CELF2: variants seen among roughly 807,000 people sequenced by gnomAD.
CELF2 encodes the protein CUG triplet repeat RNA-binding protein 2.
Under a neutral mutation model 62.6 loss-of-function variants are expected in CELF2, and 8 were observed. The ratio of observed to expected loss-of-function variants is 0.13; its 90% confidence interval spans 0.07 to 0.23. CELF2 has a LOEUF of 0.23. Ranked by LOEUF, CELF2 falls within the 10% of genes least tolerant of loss-of-function variation. CELF2 has a pLI of 1.00. For synonymous variants in CELF2, 258 were observed against 250.0 expected (o/e 1.03, Z -0.30); for missense variants, 333 against 671.0 (o/e 0.50, Z 5.56).
At chr10:11,030,106 C>T (rs535003996) in intron 1 of CELF2, among the ~76,000 whole-genome samples, 22 of 152,292 alleles carry the variant, frequency 1.4e-4, no homozygotes, top group African/African-American at 1.2e-4. Flanking sequence ...GCCAATCATA[C>T]GCTGCTTTTT....
the CELF2 span, among the ~76,000 whole-genome samples, chr10:10,603,758 GA>G: frequency 6.6e-6 from 1 of 150,912 alleles, no homozygotes; most frequent in East Asian, 2.0e-4. Context: ...ACAGAGCAGG[GA>G]AGCAAAGTCT....
In CELF2 at chr10:11,191,834, G is replaced by A. The variant is rs1475365275; in HGVS notation, c.272-25591G>A. ...GATCCCCAGTGAAGGAGGAGGGAGG[G>A]GCCGTGTGCATGCTCATGCTGTTTA... On this transcript the variant is annotated intron_variant, in intron 2 of 12. Transcript: ENST00000633077. This position sits in a 1 kb window ranked among gnomAD's most constrained non-coding sequence, Gnocchi z 4.1. 1.3e-5 allele frequency among the ~76,000 whole-genome samples: 2 copies of A among 152,080 alleles called. No individual in the cohort carries two copies. The highest frequency in any genetic ancestry group is 4.1e-4 in the South Asian group (2 of 4,826).
intron 1 of CELF2, among the ~76,000 whole-genome samples, chr10:11,007,673 A>G (rs960618415): frequency 2.0e-5 from 3 of 152,178 alleles, no homozygotes; most frequent in East Asian, 1.9e-4. Context: ...GAAGCTTTAT[A>G]TCTGAGGCCG....
intron 11 of CELF2, 93 bp from the exon 12 acceptor site, chr10:11,325,738 AATGCT>A: frequency 9.2e-7 from 1 of 1,081,282 alleles, no homozygotes; most frequent in Non-Finnish European, 1.3e-6. Context: ...TGTTCAACTA[AATGCT>A]TAGCCTACCT....
chr10:10,466,274 T>A, the CELF2 span, among the ~76,000 whole-genome samples: 1 of 152,164 alleles, frequency 6.6e-6, no homozygotes, highest in Admixed American at 6.6e-5. Flanking sequence ...TATAGATTAA[T>A]TTACATTTTA....
At chr10:10,532,780 G>A in the CELF2 span, among the ~76,000 whole-genome samples, 1 of 151,728 alleles carries the variant, frequency 6.6e-6, no homozygotes, top group Non-Finnish European at 1.5e-5. Flanking sequence ...AGACCAGGGA[G>A]CCTTCTAAGC....
chr10:10,750,064 A>C, the CELF2 span, among the ~76,000 whole-genome samples: 1 of 152,350 alleles, frequency 6.6e-6, no homozygotes, highest in South Asian at 2.1e-4. Flanking sequence ...CGGGTGGATC[A>C]TGAGGTCAAG....
Position 10,993,538 on chromosome 10 carries a change from A to G in CELF2, c.89+73539A>G, listed in dbSNP as rs148446627. Reference sequence around the variant, plus strand: ...AGTCTAACAGCCTAAGCCACTGGGAACACACTTGTAGTCAAAGCTATATTT... The same window carrying G: ...AGTCTAACAGCCTAAGCCACTGGGAGCACACTTGTAGTCAAAGCTATATTT... On this transcript the variant is annotated intron_variant, in intron 2 of 13. Coordinates refer to the CELF2 transcript ENST00000636488. The surrounding 1 kb of genome is among the most constrained non-coding windows in gnomAD (Gnocchi z 5.3). 7.7e-4 allele frequency among the ~76,000 whole-genome samples: 118 copies of G among 152,308 alleles called. 2 individuals are homozygous for G. Among genetic ancestry groups the G allele is most frequent in the Non-Finnish European group, 1.5e-3 (99 of 68,022 alleles).
the CELF2 span, among the ~76,000 whole-genome samples, chr10:10,782,799 G>A: frequency 1.3e-5 from 2 of 152,164 alleles, no homozygotes; most frequent in Non-Finnish European, 2.9e-5. Context: ...TTAGTCTGCG[G>A]TTTCTCAGCC....
At chr10:10,874,260 G>A (rs953747291) in intron 1 of CELF2, among the ~76,000 whole-genome samples, 1 of 152,186 alleles carries the variant, frequency 6.6e-6, no homozygotes, top group Non-Finnish European at 1.5e-5. Flanking sequence ...CAAGGTTGCA[G>A]TGAGCCATGA....
At chr10:10,941,487 T>C (rs2047043951) in intron 2 of CELF2, among the ~76,000 whole-genome samples, 1 of 152,204 alleles carries the variant, frequency 6.6e-6, no homozygotes, top group Admixed American at 6.5e-5. Flanking sequence ...AAAGTAAATT[T>C]ACCCCAGGAA....
At chr10:10,837,470 G>A in intron 1 of CELF2, among the ~76,000 whole-genome samples, 1 of 152,152 alleles carries the variant, frequency 6.6e-6, no homozygotes, top group Middle Eastern at 3.2e-3. Context: ...TAATACAACT[G>A]CTGTGATCTT....
chr10:11,281,720 G>A (rs373854320), intron 8 of CELF2, among the ~76,000 whole-genome samples: 3 of 152,300 alleles, frequency 2.0e-5, no homozygotes, highest in East Asian at 1.9e-4. Context: ...ACTCCAGCCC[G>A]GTGACGGAGC....
chr10:10,846,127 T>C (rs2058997653), intron 1 of CELF2: 5 of 985,170 alleles, frequency 5.1e-6, no homozygotes, highest in Non-Finnish European at 6.0e-6. Context: ...GCAATTCCTT[T>C]GACGATATTT....
the CELF2 span, among the ~76,000 whole-genome samples, chr10:10,726,558 T>C: frequency 6.6e-6 from 1 of 152,184 alleles, no homozygotes; most frequent in Non-Finnish European, 1.5e-5. Flanking sequence ...TAAGTTTGTT[T>C]CATTGTGTAA....
At chr10:10,492,532 A>G in the CELF2 span, among the ~76,000 whole-genome samples, 1 of 152,216 alleles carries the variant, frequency 6.6e-6, no homozygotes, top group African/African-American at 2.4e-5. Context: ...AAAATAAACC[A>G]TGGAACTACC....
chr10:10,717,446 A>T, the CELF2 span, among the ~76,000 whole-genome samples: 6 of 152,180 alleles, frequency 3.9e-5, no homozygotes, highest in African/African-American at 7.2e-5. Flanking sequence ...GTCTTTTTAA[A>T]CTAATTTATA....
intron 8 of CELF2, among the ~76,000 whole-genome samples, chr10:11,283,863 T>G (rs1590624252): frequency 2.0e-5 from 3 of 147,216 alleles, no homozygotes; most frequent in South Asian, 4.4e-4. Context: ...GAGTGTGTGG[T>G]GGGTGGATGA....
At chr10:11,073,802 A>T (rs889377236) in intron 1 of CELF2, among the ~76,000 whole-genome samples, 1 of 152,168 alleles carries the variant, frequency 6.6e-6, no homozygotes, top group South Asian at 2.1e-4. Flanking sequence ...AAACCCACAA[A>T]TGTCCTTCGT....
Sources: gnomAD v4.1 joint callset for allele counts (sites outside exome capture counted in the v4.1 genomes callset) on GRCh38, gnomAD v4.1.1 for gene constraint, Gnocchi (gnomAD v3.1) non-coding constraint, MANE v1.5 for transcripts, NCBI Gene and HGNC (gene_info 2026-07-23, HGNC 2026-07-21) for gene names.